Variants in FCHSD2 observed in about 807,000 individuals in gnomAD.
FCHSD2 encodes the protein F-BAR and double SH3 domains protein 2.
Under a neutral mutation model 108.1 loss-of-function variants are expected in FCHSD2, and 38 were observed. The ratio of observed to expected loss-of-function variants is 0.35; its 90% CI spans 0.27 to 0.46. The LOEUF is 0.46. FCHSD2 is among the 20% of genes least tolerant of loss of function. FCHSD2 has a pLI of 1.00. For synonymous variants in FCHSD2, 279 were observed against 314.7 expected (o/e 0.89, Z 1.20); for missense variants, 751 against 897.8 (o/e 0.84, Z 2.09).
chr11:73,092,291 C>CTAATTTTTTAAG (rs1264303535), intron 2 of FCHSD2, among the ~76,000 whole-genome samples: 1 of 151,830 alleles, frequency 6.6e-6, no homozygotes, highest in Non-Finnish European at 1.5e-5. Context: ...CCACACCCGG[C>CTAATTTTTTAAG]TAATTTTTTA....
intron 3 of FCHSD2, among the ~76,000 whole-genome samples, chr11:73,020,143 T>G (rs145918758): frequency 9.2e-5 from 14 of 152,334 alleles, no homozygotes; most frequent in African/African-American, 3.4e-4. Context: ...TAAAAAGCCA[T>G]CAGTGTCTGA....
chr11:72,943,962 T>C (rs546939221), intron 8 of FCHSD2, among the ~76,000 whole-genome samples: 2 of 152,302 alleles, frequency 1.3e-5, no homozygotes, highest in East Asian at 3.9e-4. Context: ...TAACTTCTAT[T>C]GCATGACATG....
intron 4 of FCHSD2, among the ~76,000 whole-genome samples, chr11:73,008,799 T>C (rs184549370): frequency 2.4e-3 from 372 of 152,136 alleles, no homozygotes; most frequent in Non-Finnish European, 4.3e-3. Context: ...GTGAAAGAAA[T>C]CACATGCAAA....
intron 12 of FCHSD2, among the ~76,000 whole-genome samples, chr11:72,884,400 C>G (rs1855153678): frequency 6.6e-6 from 1 of 151,572 alleles, no homozygotes; most frequent in South Asian, 2.1e-4. Flanking sequence ...GGTCTGCTAA[C>G]ATAGCATGAA....
At chr11:73,016,132 A>G (rs140747098) in intron 3 of FCHSD2, among the ~76,000 whole-genome samples, 4 of 151,938 alleles carry the variant, frequency 2.6e-5, no homozygotes, top group African/African-American at 9.7e-5. Context: ...GTGAAAATCT[A>G]TCTCTACCAA....
chr11:73,021,733 C>A (rs984416176), intron 3 of FCHSD2, among the ~76,000 whole-genome samples: 1 of 152,030 alleles, frequency 6.6e-6, no homozygotes, highest in African/African-American at 2.4e-5. Context: ...AAAGCTCATT[C>A]ATGACAGAAT....
chr11:73,003,133 A>G (rs1393369433), intron 4 of FCHSD2, among the ~76,000 whole-genome samples: 2 of 152,228 alleles, frequency 1.3e-5, no homozygotes, highest in Non-Finnish European at 2.9e-5. Context: ...TATCCTGAAC[A>G]CTGATATACC....
At chr11:72,956,546 T>C (rs1856714583) in intron 8 of FCHSD2, among the ~76,000 whole-genome samples, 1 of 152,218 alleles carries the variant, frequency 6.6e-6, no homozygotes, top group Admixed American at 6.5e-5. Context: ...CTCTTACTTC[T>C]GGAGACTGAG....
At position 72,851,096 on chromosome 11, in the gene FCHSD2, T is replaced by C. The variant is rs900731534; in HGVS notation, c.1309-1207A>G. On this transcript the variant is annotated intron_variant, in intron 13 of 19. Transcript: ENST00000409418. ...CAGCTGGGGCGACACAGCGTGACTC[T>C]GTCTCAAAAAAAAAAAAAAAAAAAA... 4.7e-5 allele frequency among the ~76,000 whole-genome samples: 4 copies of C among 85,880 alleles called. No individual in the cohort carries two copies. In the Admixed American group the frequency reaches 4.7e-4, roughly 10 times the overall value. 56.3% of individuals were successfully genotyped at this position (85,880 alleles called of 152,430 possible).
intron 4 of FCHSD2, among the ~76,000 whole-genome samples, chr11:73,013,864 T>C (rs1418808695): frequency 6.6e-6 from 1 of 152,194 alleles, no homozygotes; most frequent in African/African-American, 2.4e-5. Flanking sequence ...CCTCCCATCT[T>C]AGCCTCCTAA....
chr11:73,090,642 T>G (rs1339251639), intron 2 of FCHSD2, among the ~76,000 whole-genome samples: 1 of 152,176 alleles, frequency 6.6e-6, no homozygotes. Context: ...TACATGAGAC[T>G]AGCCTAACAA....
chr11:72,916,035 C>T (rs768139013), intron 9 of FCHSD2, among the ~76,000 whole-genome samples: 9 of 151,928 alleles, frequency 5.9e-5, no homozygotes, highest in Non-Finnish European at 1.0e-4. Flanking sequence ...ATGGGAACAA[C>T]GCACACTAGG....
At chr11:72,995,568 G>A (rs552677918) in intron 5 of FCHSD2, among the ~76,000 whole-genome samples, 263 of 152,142 alleles carry the variant, frequency 1.7e-3, no homozygotes, top group Non-Finnish European at 2.3e-3. Context: ...GCCAGGTGTG[G>A]TGGCAAGCAC....
intron 8 of FCHSD2, among the ~76,000 whole-genome samples, chr11:72,939,609 CTTTTTTTTTTT>C (rs1194333407): frequency 1.5e-5 from 1 of 65,464 alleles, no homozygotes; most frequent in South Asian, 9.0e-4. Flanking sequence ...CTTTCTTTTC[CTTTTTTTTTTT>C]TTTTTTTTTT....
intron 8 of FCHSD2, among the ~76,000 whole-genome samples, chr11:72,932,697 T>C (rs921408607): frequency 1.3e-5 from 2 of 152,180 alleles, no homozygotes; most frequent in African/African-American, 4.8e-5. Context: ...CTCCTGATCA[T>C]AGCATACAAC....
At chr11:73,067,723 C>T (rs1332883232) in intron 3 of FCHSD2, among the ~76,000 whole-genome samples, 1 of 151,944 alleles carries the variant, frequency 6.6e-6, no homozygotes, top group Non-Finnish European at 1.5e-5. Context: ...AAAACAAAAA[C>T]CCCTACCTCT....
chr11:72,895,040 C>A (rs1855390062), intron 10 of FCHSD2, among the ~76,000 whole-genome samples: 1 of 152,150 alleles, frequency 6.6e-6, no homozygotes, highest in African/African-American at 2.4e-5. Flanking sequence ...ATGCCACACA[C>A]CTTGAAGAGG....
intron 12 of FCHSD2, among the ~76,000 whole-genome samples, chr11:72,879,486 C>T (rs904072775): frequency 3.9e-5 from 6 of 151,994 alleles, no homozygotes; most frequent in East Asian, 1.9e-4. Context: ...AATGAGTAGA[C>T]AAGAACTTTA....
chr11:72,981,281 A>G (rs1460213354), intron 8 of FCHSD2, among the ~76,000 whole-genome samples: 3 of 152,188 alleles, frequency 2.0e-5, no homozygotes, highest in Non-Finnish European at 4.4e-5. Flanking sequence ...GACCTACCCA[A>G]TGCTGATCAA....
Sources: allele counts gnomAD v4.1 joint callset (sites outside exome capture counted in the v4.1 genomes callset), GRCh38; gene constraint gnomAD v4.1.1; transcripts MANE v1.5; gene names NCBI Gene and HGNC (gene_info 2026-07-23, HGNC 2026-07-21).